The following LRP2 variants were observed in gnomAD, a reference collection of about 807,000 sequenced individuals.
LRP2 encodes the protein LDL receptor related protein 2.
LRP2 carries 172 observed loss-of-function variants against 531.0 expected under a neutral mutation model. That is an observed-to-expected ratio of 0.32 (90% CI 0.29 to 0.37). LRP2 has a LOEUF of 0.37. LRP2 is among the 10% of genes least tolerant of loss of function. The pLI is 1.00. For missense variants in LRP2, 5,167 were observed against 5,868.3 expected, an observed-to-expected ratio of 0.88 and a Z score of 3.90; for synonymous variants, 1,992 against 2,027.6, an observed-to-expected ratio of 0.98 and a Z score of 0.47.
At chr2:169,154,693 C>T in intron 65 of LRP2, 90 bp from the exon 66 acceptor site, 6 of 1,165,426 alleles carry the variant, frequency 5.1e-6, no homozygotes, top group Non-Finnish European at 6.4e-6. Context: ...TACCTGTCCC[C>T]TTTTTAAAGA....
intron 49 of LRP2, among the ~76,000 whole-genome samples, chr2:169,187,130 A>G (rs1055433393): frequency 9.9e-5 from 15 of 151,976 alleles, no homozygotes; most frequent in Non-Finnish European, 1.9e-4. Context: ...CAAGTTTGTT[A>G]TAATAGGTAA....
At chr2:169,153,977 AT>A (rs1686238009) in intron 66 of LRP2, among the ~76,000 whole-genome samples, 1 of 152,212 alleles carries the variant, frequency 6.6e-6, no homozygotes, top group South Asian at 2.1e-4. Context: ...TGTCTAGAGG[AT>A]AGAAAGATAT....
chr2:169,309,313 A>T (rs1684522551), intron 3 of LRP2, among the ~76,000 whole-genome samples: 1 of 152,170 alleles, frequency 6.6e-6, no homozygotes, highest in Middle Eastern at 3.4e-3. Context: ...CTATGTCCTG[A>T]ATGGTATTGC....
rs758786794 is a variant in LRP2, at chr2:169,226,579, G to A, written c.5237C>T (p.Pro1746Leu). ...ATGTTGCCTTACAGTTATTAAGAAA[G>A]GTTGATCATCTGTGAAAATAGAAGA... Reference protein sequence around the residue: ...DLLNCLRDDQPFLITVRQHII... With the variant: ...DLLNCLRDDQLFLITVRQHII... The change falls in exon 32 of 79, where the codon CCT becomes CTT. Residue 1746 changes from proline to leucine, a missense_variant. By Grantham distance (98) the Pro-to-Leu change is moderately conservative. Coordinates refer to ENST00000649046, the MANE Select transcript of LRP2 (RefSeq NM_004525.3). 5 of 1,609,950 alleles carry A rather than the reference G, an allele frequency of 3.1e-6. No homozygotes were observed. Among genetic ancestry groups the A allele is most frequent in the Non-Finnish European group, 4.2e-6 (5 of 1,176,742 alleles).
At chr2:169,134,919 T>C (rs1385302308) in intron 76 of LRP2, among the ~76,000 whole-genome samples, 2 of 152,166 alleles carry the variant, frequency 1.3e-5, no homozygotes. Context: ...ATAAATTAGC[T>C]AAAAAAGCAG....
chr2:169,258,695 T>C (rs1331543693), intron 17 of LRP2, among the ~76,000 whole-genome samples: 1 of 152,122 alleles, frequency 6.6e-6, no homozygotes. Flanking sequence ...AATTTGGGTC[T>C]TTCCTGTTAA....
intron 55 of LRP2, 136 bp downstream of exon 55, chr2:169,175,057 A>G: frequency 2.6e-6 from 2 of 775,248 alleles, no homozygotes; most frequent in Non-Finnish European, 4.2e-6. Flanking sequence ...AAATAGAAAA[A>G]GGATGGAGCC....
intron 60 of LRP2, among the ~76,000 whole-genome samples, 199 bp downstream of exon 60, chr2:169,169,503 A>C (rs1225313354): frequency 2.6e-5 from 4 of 152,250 alleles, no homozygotes; most frequent in African/African-American, 9.6e-5. Context: ...TTAAAATAGC[A>C]AGGAAGTACA....
In LRP2 at chr2:169,243,541, A is replaced by G. The variant is rs1276122322; in HGVS notation, c.3431-19T>C. On this transcript the variant is annotated intron_variant, in intron 22 of 78. Coordinates refer to ENST00000649046, the MANE Select transcript of LRP2 (RefSeq NM_004525.3). Reference sequence around the variant, plus strand: ...GTCGAATCTAATGTCATCCGAAAACAAAACCAACAAGTTTATTTCCTGTGC... The same window carrying G: ...GTCGAATCTAATGTCATCCGAAAACGAAACCAACAAGTTTATTTCCTGTGC... 6.2e-7 allele frequency: 1 copy of G among 1,613,828 alleles called. No homozygotes were observed. The highest frequency in any genetic ancestry group is 1.7e-5 in the Admixed American group (1 of 60,000).
intron 3 of LRP2, among the ~76,000 whole-genome samples, chr2:169,312,301 T>C (rs1405119587): frequency 6.6e-6 from 1 of 152,112 alleles, no homozygotes; most frequent in Non-Finnish European, 1.5e-5. Flanking sequence ...CTAGCCTTGA[T>C]GGTCTTTAGA....
At chr2:169,199,406 ATG>A (rs1688112439) in intron 44 of LRP2, among the ~76,000 whole-genome samples, 2 of 152,128 alleles carry the variant, frequency 1.3e-5, no homozygotes, top group South Asian at 4.1e-4. Flanking sequence ...CAAGAGAGAG[ATG>A]CTTATATTAA....
chr2:169,135,289 T>G (rs929987975), intron 76 of LRP2, among the ~76,000 whole-genome samples: 4 of 152,098 alleles, frequency 2.6e-5, no homozygotes, highest in Admixed American at 6.6e-5. Flanking sequence ...TCGGGGTTTT[T>G]CCCCCGCCCA....
chr2:169,355,465 C>G (rs1378365331), intron 1 of LRP2, among the ~76,000 whole-genome samples: 1 of 152,212 alleles, frequency 6.6e-6, no homozygotes, highest in Non-Finnish European at 1.5e-5. Context: ...GACTCCACCC[C>G]TTCATACATG....
chr2:169,230,960 A>G (rs780323730), intron 31 of LRP2, among the ~76,000 whole-genome samples: 6 of 152,190 alleles, frequency 3.9e-5, no homozygotes, highest in Non-Finnish European at 7.4e-5. Flanking sequence ...CAGAAGACCC[A>G]GGCTAGAACA....
intron 70 of LRP2, among the ~76,000 whole-genome samples, chr2:169,143,301 G>A (rs534629864): frequency 1.3e-5 from 2 of 152,272 alleles, no homozygotes; most frequent in African/African-American, 4.8e-5. Flanking sequence ...GCAAGAAAAG[G>A]GAATTTAGAG....
At chr2:169,264,038 T>C (rs1031801303) in intron 16 of LRP2, among the ~76,000 whole-genome samples, 4 of 151,948 alleles carry the variant, frequency 2.6e-5, no homozygotes, top group African/African-American at 9.7e-5. Context: ...TAGGTGGGAA[T>C]TGAACAATGA....
chr2:169,185,057 G>T (rs981377074), intron 50 of LRP2, among the ~76,000 whole-genome samples: 2 of 152,100 alleles, frequency 1.3e-5, no homozygotes, highest in South Asian at 2.1e-4. Flanking sequence ...CACTGCCCCC[G>T]GCCAATGACA....
intron 44 of LRP2, among the ~76,000 whole-genome samples, chr2:169,200,313 G>T (rs574009586): frequency 6.6e-6 from 1 of 152,204 alleles, no homozygotes; most frequent in African/African-American, 2.4e-5. Flanking sequence ...CATTGAAAAG[G>T]ACTAGAAGCA....
chr2:169,311,601 G>A (rs1183140354), intron 3 of LRP2, among the ~76,000 whole-genome samples: 1 of 152,082 alleles, frequency 6.6e-6, no homozygotes, highest in African/African-American at 2.4e-5. Context: ...ACATTTGATG[G>A]GGAGTGCTTT....
Sources: allele counts gnomAD v4.1 joint callset (sites outside exome capture counted in the v4.1 genomes callset), GRCh38; gene constraint gnomAD v4.1.1; transcripts MANE v1.5; gene names NCBI Gene and HGNC (gene_info 2026-07-23, HGNC 2026-07-21).